Variants in DGKB observed in about 807,000 individuals in gnomAD.
The protein encoded by DGKB is diacylglycerol kinase beta.
Under a neutral mutation model 114.3 loss-of-function variants are expected in DGKB, and 67 were observed. That is an observed-to-expected ratio of 0.59 (90% CI 0.48 to 0.72). The LOEUF is 0.72. DGKB is among the 30% of genes least tolerant of loss of function. DGKB has a pLI of 0.00. For missense variants in DGKB, 907 were observed against 975.2 expected (o/e 0.93, Z 0.93); for synonymous variants, 398 against 323.1 (o/e 1.23, Z -2.49).
Position 14,316,428 on chromosome 7 carries a change from G to A in DGKB, c.2122+22087C>T, listed in dbSNP as rs1253220188. ...AAAAAGAGAGAAGAATCAAATAGAC[G>A]CAATAAAAAATGATAAAGGGGATAT... On this transcript the variant is annotated intron_variant, in intron 23 of 25. Transcript: ENST00000402815. 2.0e-3 allele frequency among the ~76,000 whole-genome samples: 240 copies of A among 121,688 alleles called. 3 individuals carry two copies. The highest frequency in any genetic ancestry group is 7.1e-3 in the African/African-American group (220 of 31,112). The allele number at this position is 121,688 out of a possible 152,430, so 79.8% of individuals were successfully genotyped here.
At chr7:14,310,370 T>G (rs1396337358) in intron 23 of DGKB, among the ~76,000 whole-genome samples, 1 of 152,172 alleles carries the variant, frequency 6.6e-6, no homozygotes, top group African/African-American at 2.4e-5. Context: ...AGAGGTGATA[T>G]TTCATTGACA....
chr7:14,840,744 A>ACACACACAC (rs1554298987), intron 2 of DGKB, among the ~76,000 whole-genome samples: 3 of 116,238 alleles, frequency 2.6e-5, no homozygotes, highest in South Asian at 3.0e-4. Context: ...ACACACACAC[A>ACACACACAC]CCTCTCCCTT....
rs1245695433 is a variant in DGKB, at chr7:14,682,467, C to T, written c.1035+86G>A. 2.1e-5 allele frequency: 19 copies of T among 901,178 alleles called. No homozygotes were observed. The East Asian group carries it at 4.6e-4, about 22-fold the overall frequency. The allele number at this position is 901,178 out of a possible 1,614,324, so 55.8% of individuals were successfully genotyped here. A position where few individuals can be genotyped will look rare whatever the true frequency, so the allele number is the denominator to read the frequency against. On this transcript the variant is annotated intron_variant, in intron 12 of 25. Coordinates refer to ENST00000402815, the MANE Select transcript of DGKB (RefSeq NM_001350709.2). ...TGCTTACACTCAGTTTCAGGAAGCC[C>T]TTCTAGGGTAGGACTTTCAGAGAGT...
At chr7:14,896,907 C>T (rs1460519920) in intron 1 of DGKB, among the ~76,000 whole-genome samples, 1 of 151,864 alleles carries the variant, frequency 6.6e-6, no homozygotes, top group African/African-American at 2.4e-5. Context: ...ATTCACAATT[C>T]CATCTCATTA....
chr7:14,486,947 A>G (rs1783905633), intron 20 of DGKB, among the ~76,000 whole-genome samples: 1 of 152,218 alleles, frequency 6.6e-6, no homozygotes, highest in Non-Finnish European at 1.5e-5. Context: ...TATTTCATTA[A>G]ATCTATAGAT....
chr7:14,446,712 G>A (rs1830769064), intron 21 of DGKB, among the ~76,000 whole-genome samples: 1 of 152,076 alleles, frequency 6.6e-6, no homozygotes, highest in Non-Finnish European at 1.5e-5. Context: ...ACCTGGTACA[G>A]GGTTCTGTCA....
intron 20 of DGKB, among the ~76,000 whole-genome samples, chr7:14,486,406 C>G (rs185153648): frequency 6.6e-6 from 1 of 152,164 alleles, no homozygotes; most frequent in Non-Finnish European, 1.5e-5. Flanking sequence ...GTAAAACACT[C>G]GTATGTCCAA....
chr7:14,207,131 C>T (rs1786957996), intron 23 of DGKB, among the ~76,000 whole-genome samples: 1 of 151,968 alleles, frequency 6.6e-6, no homozygotes, highest in African/African-American at 2.4e-5. Context: ...AGGAACCCTG[C>T]CTTTAGAGGG....
intron 4 of DGKB, among the ~76,000 whole-genome samples, chr7:14,749,582 T>G (rs1880551): frequency 0.27 from 41,275 of 152,050 alleles, 7,384 homozygotes; most frequent in African/African-American, 0.5. Context: ...ATTTTTACTA[T>G]GATTTCAGTA....
At chr7:14,830,561 C>T (rs544668571) in intron 2 of DGKB, among the ~76,000 whole-genome samples, 1 of 152,162 alleles carries the variant, frequency 6.6e-6, no homozygotes, top group East Asian at 1.9e-4. Flanking sequence ...TTTCCACTGA[C>T]CTCAGTTTTG....
rs569494877 is a variant in DGKB, at chr7:14,691,193, A to G, written c.711+2882T>C. Among the ~76,000 whole-genome samples, 18 of 152,312 alleles carry G rather than the reference A, an allele frequency of 1.2e-4. No individual in the cohort carries two copies. The East Asian group carries it at 3.3e-3, about 28-fold the overall frequency. ...GTTGTGCCTTACATTAGAAGTGAAG[A>G]TTACTCTCCCAGGACTACTTCCTTT... is the stretch of plus-strand genomic sequence containing the variant. On this transcript the variant is annotated intron_variant, in intron 9 of 25. Transcript: ENST00000402815.
At chr7:14,880,760 C>T (rs543189670) in intron 1 of DGKB, among the ~76,000 whole-genome samples, 141 of 152,264 alleles carry the variant, frequency 9.3e-4, no homozygotes, top group African/African-American at 3.0e-3. Context: ...GAGCCTCATA[C>T]CAAGCTCGTA....
At position 14,458,075 on chromosome 7, in the gene DGKB, T is replaced by TA. The variant is rs939664419; in HGVS notation, c.1835+20085dup. Among the ~76,000 whole-genome samples the TA allele has an allele frequency of 6.6e-5, 10 of 152,018 alleles. 1 individual carries two copies. The East Asian group carries it at 1.2e-3, about 18-fold the overall frequency. On this transcript the variant is annotated intron_variant, in intron 21 of 25. Transcript: ENST00000402815. ...AAATCAAGAATCTTCAAGCCTTGAT[T>TA]AAAAAAAACGATGCTCTAAAGATTC...
At chr7:14,545,873 A>C (rs1794203077) in intron 20 of DGKB, among the ~76,000 whole-genome samples, 1 of 152,222 alleles carries the variant, frequency 6.6e-6, no homozygotes, top group South Asian at 2.1e-4. Context: ...CACCTCTTGA[A>C]GAAGAGACAA....
At chr7:14,314,216 T>G (rs1026488018) in intron 23 of DGKB, among the ~76,000 whole-genome samples, 46 of 151,972 alleles carry the variant, frequency 3.0e-4, no homozygotes, top group South Asian at 2.9e-3. Flanking sequence ...ACTCTAAAAA[T>G]CAGAGCGCCT....
intron 12 of DGKB, 71 bp downstream of exon 12, chr7:14,682,482 T>G: frequency 1.9e-6 from 2 of 1,046,968 alleles, no homozygotes; most frequent in Non-Finnish European, 2.9e-6. Context: ...AGGGTAGGAC[T>G]TTCAGAGAGT....
rs553532698 is a variant in DGKB at position 14,711,560 on chromosome 7, A to G, written c.466+6982T>C. Among the ~76,000 whole-genome samples the G allele has an allele frequency of 1.6e-4, 25 of 152,184 alleles. 1 individual carries two copies. Among genetic ancestry groups the G allele is most frequent in the Non-Finnish European group, 3.1e-4 (21 of 68,026 alleles). The stretch of plus-strand genomic sequence containing the variant: ...ATAAATCTATAAGCAGAAATAAAAT[A>G]TGAGAGGAGAAAACACTAACACAAT... On this transcript the variant is annotated intron_variant, in intron 6 of 25. Transcript: ENST00000402815.
Position 14,298,134 on chromosome 7 carries a change from A to G in DGKB, c.2122+40381T>C, listed in dbSNP as rs188864134. ...TTGTGAAAATGGCCATACTGCCCAA[A>G]GTAATTTATGGATTCAGTGTGATTC... On this transcript the variant is annotated intron_variant, in intron 23 of 25. Transcript: ENST00000402815. Among the ~76,000 whole-genome samples, 306 of 152,290 alleles carry G rather than the reference A, an allele frequency of 2.0e-3. 1 individual carries two copies. Among genetic ancestry groups the G allele is most frequent in the African/African-American group, 6.2e-3 (257 of 41,580 alleles).
chr7:14,744,554 G>A lies in DGKB; in HGVS notation c.169-8360C>T, dbSNP rs145511014. ...TCACCCAATTCATAGGTATTTGAGG[G>A]TGCTAACCCATGGCTGGGCTGGGCT... On this transcript the variant is annotated intron_variant, in intron 4 of 25. Coordinates refer to ENST00000402815, the MANE Select transcript of DGKB (RefSeq NM_001350709.2). 4.1e-3 allele frequency among the ~76,000 whole-genome samples: 622 copies of A among 152,256 alleles called. 7 individuals are homozygous for A. The highest frequency in any genetic ancestry group is 0.014 in the African/African-American group (570 of 41,546).
Sources: allele counts gnomAD v4.1 joint callset (sites outside exome capture counted in the v4.1 genomes callset), GRCh38; gene constraint gnomAD v4.1.1; transcripts MANE v1.5; gene names NCBI Gene and HGNC (gene_info 2026-07-23, HGNC 2026-07-21).